IL1RAPL1: variants seen among roughly 807,000 people sequenced by gnomAD.
IL1RAPL1 encodes the protein interleukin-1 receptor accessory protein-like 1.
IL1RAPL1 carries 3 observed loss-of-function variants against 48.4 expected under a neutral mutation model. The observed-to-expected ratio is 0.06, with a 90% confidence interval of 0.03 to 0.16. The LOEUF is 0.16. IL1RAPL1 is among the 10% of genes least tolerant of loss of function. The pLI is 1.00. For missense variants in IL1RAPL1, 349 were observed against 530.6 expected (o/e 0.66, Z 3.36); for synonymous variants, 185 against 187.7 (o/e 0.99, Z 0.12).
At chrX:28,872,165 C>G (rs1289047418) in intron 2 of IL1RAPL1, among the ~76,000 whole-genome samples, 2 of 95,333 alleles carry the variant, frequency 2.1e-5, no homozygotes, top group African/African-American at 8.4e-5. Flanking sequence ...GAAACCACCA[C>G]CATGCCTGGC....
chrX:29,848,175 A>G (rs967427317), intron 6 of IL1RAPL1, among the ~76,000 whole-genome samples: 1 of 111,641 alleles, frequency 9.0e-6, no homozygotes, highest in Non-Finnish European at 1.9e-5. Context: ...TTTACAAGAT[A>G]CAAAGAGAAA....
chrX:29,468,765 CA>C (rs754690161), intron 5 of IL1RAPL1, among the ~76,000 whole-genome samples: 3 of 112,059 alleles, frequency 2.7e-5, no homozygotes, highest in Non-Finnish European at 3.8e-5. Context: ...TGGTTCCCCT[CA>C]TGGCTAGAAA....
At chrX:29,116,388 C>G (rs184842022) in intron 2 of IL1RAPL1, among the ~76,000 whole-genome samples, 1 of 110,552 alleles carries the variant, frequency 9.0e-6, no homozygotes, top group Non-Finnish European at 1.9e-5. Context: ...ATGATTTGAA[C>G]TAGAGGGGTG....
chrX:29,359,368 A>G (rs1255924155), intron 3 of IL1RAPL1, among the ~76,000 whole-genome samples: 2 of 111,658 alleles, frequency 1.8e-5, no homozygotes, highest in Non-Finnish European at 3.8e-5. Flanking sequence ...TAAAACAATA[A>G]TTATAGCTCA....
chrX:29,303,771 C>T (rs1932574886), intron 3 of IL1RAPL1, among the ~76,000 whole-genome samples: 1 of 111,852 alleles, frequency 8.9e-6, no homozygotes. Context: ...AATCAAAGAC[C>T]TTTCATTTTT....
At chrX:29,140,887 C>T (rs1929229986) in intron 2 of IL1RAPL1, among the ~76,000 whole-genome samples, 1 of 111,249 alleles carries the variant, frequency 9.0e-6, no homozygotes, top group Admixed American at 9.7e-5. Context: ...CACCCCATCT[C>T]TTAATACTGT....
At chrX:29,375,151 T>C (rs181215597) in intron 3 of IL1RAPL1, among the ~76,000 whole-genome samples, 1,475 of 93,206 alleles carry the variant, frequency 0.016, 33 homozygotes, top group African/African-American at 0.055. Context: ...GTTTCCATAT[T>C]GGGAGCAATT....
At chrX:29,877,425 G>A (rs1156790104) in intron 6 of IL1RAPL1, among the ~76,000 whole-genome samples, 1 of 111,738 alleles carries the variant, frequency 8.9e-6, no homozygotes, top group Non-Finnish European at 1.9e-5. Flanking sequence ...GGCCAAATTA[G>A]CATCGATATG....
chrX:28,596,130 C>T (rs187425639), intron 1 of IL1RAPL1, among the ~76,000 whole-genome samples: 1 of 111,732 alleles, frequency 8.9e-6, no homozygotes, highest in East Asian at 2.8e-4. Context: ...TAAATCATTA[C>T]ACAAGCAAAC....
At chrX:28,722,509 T>C (rs1369582772) in intron 1 of IL1RAPL1, among the ~76,000 whole-genome samples, 4 of 111,670 alleles carry the variant, frequency 3.6e-5, no homozygotes, top group Non-Finnish European at 5.6e-5. Flanking sequence ...GATGGGGTTT[T>C]CTAAATATAC....
chrX:29,238,744 C>A (rs892970074), intron 2 of IL1RAPL1, among the ~76,000 whole-genome samples: 4 of 112,114 alleles, frequency 3.6e-5, no homozygotes, highest in African/African-American at 1.3e-4. Flanking sequence ...CAGTGACTTA[C>A]AATTGTTTAT....
chrX:29,604,541 C>G (rs750639379), intron 5 of IL1RAPL1, among the ~76,000 whole-genome samples: 2 of 111,172 alleles, frequency 1.8e-5, no homozygotes, highest in Non-Finnish European at 3.8e-5. Context: ...CTGGTTCAAG[C>G]GATTTGCCTG....
At position 29,891,065 on chromosome X, in the gene IL1RAPL1, G is replaced by A. The variant is rs1043550040; in HGVS notation, c.779-26399G>A. Among the ~76,000 whole-genome samples the A allele has an allele frequency of 2.7e-5, 3 of 111,472 alleles. No homozygotes were observed. In the East Asian group the frequency reaches 8.4e-4, roughly 31 times the overall value. On this transcript the variant is annotated intron_variant, in intron 6 of 10. Coordinates refer to ENST00000378993, the MANE Select transcript of IL1RAPL1 (RefSeq NM_014271.4). ...CTTTCTTCCAGTTCACTGCTTCTGG[G>A]TCCTGCATGCTGGAGCACCACCAGT...
chrX:28,872,828 C>G (rs1333742568), intron 2 of IL1RAPL1, among the ~76,000 whole-genome samples: 1 of 111,963 alleles, frequency 8.9e-6, no homozygotes, highest in East Asian at 2.8e-4. Flanking sequence ...AAAAGACATT[C>G]AAGAGAAGGA....
intron 2 of IL1RAPL1, among the ~76,000 whole-genome samples, chrX:29,066,877 C>A (rs1014677394): frequency 1.8e-5 from 2 of 111,415 alleles, no homozygotes; most frequent in African/African-American, 6.5e-5. Context: ...GGGAGAGAGT[C>A]GTCTTTGTCT....
At chrX:29,463,931 A>C (rs2206339) in intron 5 of IL1RAPL1, among the ~76,000 whole-genome samples, 2,799 of 111,053 alleles carry the variant, frequency 0.025, 94 homozygotes, top group African/African-American at 0.087. Flanking sequence ...GTTAGCCTCC[A>C]CTTCCAGCCC....
rs764448725 is a variant in IL1RAPL1 at position 28,768,355 on chromosome X, T to A, written c.-24-20965T>A. On this transcript the variant is annotated intron_variant, in intron 1 of 10. Transcript: ENST00000378993. The stretch of plus-strand genomic sequence containing the variant: ...AATTGGCTCTCTTTCCAAGCACAGT[T>A]ATGACACTGAGAATTGGTACTGTAT... Among the ~76,000 whole-genome samples the A allele has an allele frequency of 5.4e-5, 6 of 110,765 alleles. No individual in the cohort carries two copies. The East Asian group carries it at 1.4e-3, about 26-fold the overall frequency.
intron 5 of IL1RAPL1, among the ~76,000 whole-genome samples, chrX:29,550,251 G>T (rs1207016513): frequency 9.0e-6 from 1 of 110,606 alleles, no homozygotes; most frequent in Non-Finnish European, 1.9e-5. Flanking sequence ...GAGTGCAGTG[G>T]CGGGATCTCG....
At chrX:29,042,353 A>ATAATCTCTTACATAATTT (rs1926865994) in intron 2 of IL1RAPL1, among the ~76,000 whole-genome samples, 1 of 111,650 alleles carries the variant, frequency 9.0e-6, no homozygotes, top group Non-Finnish European at 1.9e-5. Flanking sequence ...ACTCTTCTCT[A>ATAATCTCTTACATAATTT]GTTCCCATTG....
Sources: allele counts gnomAD v4.1 joint callset (sites outside exome capture counted in the v4.1 genomes callset), GRCh38; gene constraint gnomAD v4.1.1; transcripts MANE v1.5; gene names NCBI Gene and HGNC (gene_info 2026-07-23, HGNC 2026-07-21).